UBXN4: variants seen among roughly 807,000 people sequenced by gnomAD.
UBXN4 encodes UBX domain protein 4.
Under a neutral mutation model 66.2 loss-of-function variants are expected in UBXN4, and 35 were observed. The ratio of observed to expected loss-of-function variants is 0.53; its 90% CI spans 0.40 to 0.70. The LOEUF is 0.70. Among genes scored for constraint, UBXN4 ranks in the 30% least tolerant of loss-of-function variants. UBXN4 has a pLI of 0.00. For synonymous variants in UBXN4, 203 were observed against 204.5 expected, an observed-to-expected ratio of 0.99 and a Z score of 0.06; for missense variants, 533 against 599.8, an observed-to-expected ratio of 0.89 and a Z score of 1.16.
At chr2:135,747,678 A>C (rs2077217358) in intron 1 of UBXN4, 2 of 456,306 alleles carry the variant, frequency 4.4e-6, no homozygotes, top group Non-Finnish European at 8.8e-6. Context: ...TGTGTCACCC[A>C]GGCTGGAGTG....
chr2:135,766,640 A>G (rs1329347977), intron 6 of UBXN4, among the ~76,000 whole-genome samples: 1 of 152,218 alleles, frequency 6.6e-6, no homozygotes, highest in Non-Finnish European at 1.5e-5. Flanking sequence ...AACTCTGATA[A>G]GAACATTACC....
chr2:135,744,105 C>T (rs1044066892), intron 1 of UBXN4, among the ~76,000 whole-genome samples: 31 of 152,158 alleles, frequency 2.0e-4, no homozygotes, highest in South Asian at 2.1e-4. Context: ...ACTCATGAAA[C>T]CAAAACACTT....
chr2:135,764,338 A>T (rs1559541113), intron 6 of UBXN4, among the ~76,000 whole-genome samples: 1 of 152,186 alleles, frequency 6.6e-6, no homozygotes, highest in African/African-American at 2.4e-5. Context: ...GGGTGACTAA[A>T]TCAAATTGAC....
chr2:135,770,292 C>T (rs2105504818), intron 7 of UBXN4, among the ~76,000 whole-genome samples: 1 of 152,248 alleles, frequency 6.6e-6, no homozygotes, highest in Admixed American at 6.5e-5. Flanking sequence ...ACGTGACTGC[C>T]ATGTTGTCCC....
intron 2 of UBXN4, 149 bp from the exon 3 acceptor site, chr2:135,753,390 T>C (rs2105494692): frequency 1.9e-6 from 1 of 522,524 alleles, no homozygotes; most frequent in Non-Finnish European, 3.2e-6. Context: ...ATAAGAATTA[T>C]ATTTTTCTCC....
In UBXN4 at chr2:135,779,840, AATT is replaced by A. The variant is rs1009325364; in HGVS notation, c.1186-337_1186-335del. 1.4e-3 allele frequency among the ~76,000 whole-genome samples: 199 copies of A among 144,276 alleles called. 1 individual carries two copies. The highest frequency in any genetic ancestry group is 4.4e-3 in the African/African-American group (179 of 40,252). The allele number at this position is 144,276 out of a possible 152,430, so 94.7% of individuals were successfully genotyped here. On this transcript the variant is annotated intron_variant, in intron 11 of 12. Coordinates refer to ENST00000272638, the MANE Select transcript of UBXN4 (RefSeq NM_014607.4). ...TATACAATATTATACAATTATATACAATTATTATATAAAATAATTATATAAAAT... is the reference window on the plus strand; with the variant it reads ...TATACAATATTATACAATTATATACAATTATATAAAATAATTATATAAAAT...
At chr2:135,755,780 A>G (rs948349636) in intron 5 of UBXN4, 89 bp downstream of exon 5, 6 of 867,052 alleles carry the variant, frequency 6.9e-6, no homozygotes, top group Non-Finnish European at 8.8e-6. Context: ...AATATATTGT[A>G]TGTATTTTTC....
chr2:135,780,642 T>C (rs1414509900), intron 12 of UBXN4, among the ~76,000 whole-genome samples: 2 of 152,266 alleles, frequency 1.3e-5, no homozygotes, highest in East Asian at 1.9e-4. Context: ...GTTTCATTCA[T>C]TGAAGTTTCT....
chr2:135,755,919 T>A (rs191436199), intron 5 of UBXN4, among the ~76,000 whole-genome samples: 81 of 152,290 alleles, frequency 5.3e-4, no homozygotes, highest in Non-Finnish European at 8.8e-5. Context: ...AGCAATTGAT[T>A]TATAATTTCT....
At chr2:135,768,454 C>G (rs183949123) in intron 6 of UBXN4, among the ~76,000 whole-genome samples, 2 of 152,126 alleles carry the variant, frequency 1.3e-5, no homozygotes, top group Non-Finnish European at 2.9e-5. Flanking sequence ...ACCTCGGCCT[C>G]CCAAAGTGGT....
chr2:135,779,135 T>C, intron 11 of UBXN4, 56 bp downstream of exon 11: 2 of 1,484,736 alleles, frequency 1.3e-6, no homozygotes, highest in South Asian at 3.0e-5. Flanking sequence ...TTTATCATAC[T>C]CTTCATTTCT....
Position 135,755,413 on chromosome 2 carries a change from TTC to T in UBXN4, c.334-100_334-99del, listed in dbSNP as rs2077273676. The stretch of plus-strand genomic sequence containing the variant: ...TCATCTATTTATGAGCATTTCGTAT[TTC>T]TCTTTTTATAGAGTATAAATCAACC... On this transcript the variant is annotated intron_variant, in intron 4 of 12. Coordinates refer to ENST00000272638, the MANE Select transcript of UBXN4 (RefSeq NM_014607.4). 7.1e-6 allele frequency: 6 copies of T among 847,492 alleles called. No homozygotes were observed. The Admixed American group carries it at 1.6e-4, about 23-fold the overall frequency. The allele number at this position is 847,492 out of a possible 1,614,324, so 52.5% of individuals were successfully genotyped here.
chr2:135,753,649 T>C, intron 3 of UBXN4, 82 bp downstream of exon 3: 1 of 1,183,384 alleles, frequency 8.5e-7, no homozygotes, highest in Non-Finnish European at 1.1e-6. Context: ...TAGAAATTAT[T>C]CATTTTTATT....
At chr2:135,775,576 A>C (rs1460625787) in intron 9 of UBXN4, among the ~76,000 whole-genome samples, 1 of 152,224 alleles carries the variant, frequency 6.6e-6, no homozygotes, top group East Asian at 1.9e-4. Context: ...CAACATGCCC[A>C]AAATAGACAA....
At chr2:135,778,848 T>TA in intron 10 of UBXN4, 100 bp from the exon 11 acceptor site, 1 of 1,303,534 alleles carries the variant, frequency 7.7e-7, no homozygotes, top group Non-Finnish European at 1.0e-6. Flanking sequence ...AATGAACTTT[T>TA]AAAATTAAGG....
At chr2:135,772,273 T>C (rs1166133529) in intron 8 of UBXN4, 147 bp from the exon 9 acceptor site, 3 of 859,122 alleles carry the variant, frequency 3.5e-6, no homozygotes, top group Non-Finnish European at 5.1e-6. Flanking sequence ...CAGTGAGCTA[T>C]GATTGTGCCA....
intron 2 of UBXN4, among the ~76,000 whole-genome samples, chr2:135,751,883 T>G (rs1396586564): frequency 1.3e-5 from 2 of 152,156 alleles, no homozygotes; most frequent in East Asian, 3.9e-4. Flanking sequence ...AGCATCTACA[T>G]TGATGAGTAT....
At chr2:135,777,339 C>T (rs551883578) in intron 10 of UBXN4, among the ~76,000 whole-genome samples, 62 of 152,204 alleles carry the variant, frequency 4.1e-4, no homozygotes, top group Admixed American at 9.2e-4. Context: ...GATTTGGGTT[C>T]AGATCTTTCC....
rs201159710 is a variant in UBXN4 at position 135,780,257 on chromosome 2, T to C, written c.1260T>C (p.Tyr420=). The C allele has an allele frequency of 3.1e-6, 5 of 1,614,078 alleles. No individual in the cohort carries two copies. The highest frequency in any genetic ancestry group is 4.2e-6 in the Non-Finnish European group (5 of 1,180,054). Residue 420 remains tyrosine, a synonymous_variant, in exon 12 of 13, where the codon TAT becomes TAC. Coordinates refer to ENST00000272638, the MANE Select transcript of UBXN4 (RefSeq NM_014607.4). The stretch of plus-strand genomic sequence containing the variant: ...GGACCTTGTTGGGAACAGTGCTTTA[T>C]CCATTCCTTGCCATCTGGAGATTAA... ...DIWTLLGTVL[Y]PFLAIWRLIS...
Sources: gnomAD v4.1 joint callset for allele counts (sites outside exome capture counted in the v4.1 genomes callset) on GRCh38, gnomAD v4.1.1 for gene constraint, MANE v1.5 for transcripts, NCBI Gene and HGNC (gene_info 2026-07-23, HGNC 2026-07-21) for gene names.